The following SLC15A4 variants were observed in gnomAD, a reference collection of about 807,000 sequenced individuals.
SLC15A4 encodes hPHT1.
In SLC15A4, 26 loss-of-function variants were observed where a neutral mutation model predicts 46.1. That is an observed-to-expected ratio of 0.56 (90% CI 0.41 to 0.78). The LOEUF is 0.78. Among genes scored for constraint, SLC15A4 ranks in the 30% least tolerant of loss-of-function variants. The pLI is 0.00. For synonymous variants in SLC15A4, 370 were observed against 333.4 expected (o/e 1.11, Z -1.20); for missense variants, 751 against 755.7 (o/e 0.99, Z 0.07).
chr12:128,814,759 A>T lies in SLC15A4; in HGVS notation c.842+16T>A. 3 of 1,608,876 alleles carry T rather than the reference A, an allele frequency of 1.9e-6. No individual in the cohort carries two copies. Among genetic ancestry groups the T allele is most frequent in the Non-Finnish European group, 2.6e-6 (3 of 1,175,684 alleles). On this transcript the variant is annotated intron_variant, in intron 2 of 7. Transcript: ENST00000266771. ...AAGTCCTTTCAAACAGCCCAAGATG[A>T]GAACTAAGTGCTTACCCATTACTCT...
rs768736819 is a variant in SLC15A4, at chr12:128,794,294, T to C, written c.1636A>G (p.Thr546Ala). ...FFLLAAIQGA[T>A]LLLFLIISVK... ...GAAATAATGAGGAAAAGCAGGAGGGTAGCTCCTTGAATAGCAGCCAGAAGA... is the reference window on the plus strand; with the variant it reads ...GAAATAATGAGGAAAAGCAGGAGGGCAGCTCCTTGAATAGCAGCCAGAAGA... Residue 546 changes from threonine to alanine, a missense_variant, in exon 8 of 8, where the codon ACC becomes GCC. Physicochemically the swap from Thr to Ala is moderately conservative, Grantham distance 58. Coordinates refer to ENST00000266771, the MANE Select transcript of SLC15A4 (RefSeq NM_145648.4). The C allele has an allele frequency of 1.2e-6, 2 of 1,613,568 alleles. No homozygotes were observed. Among genetic ancestry groups the C allele is most frequent in the Admixed American group, 1.7e-5 (1 of 59,994 alleles).
intron 5 of SLC15A4, among the ~76,000 whole-genome samples, chr12:128,803,615 A>G (rs144617900): frequency 1.6e-3 from 242 of 152,290 alleles, no homozygotes; most frequent in African/African-American, 5.6e-3. Context: ...ACACAACACA[A>G]ATCATGAACT....
chr12:128,823,571 C>G lies in SLC15A4; in HGVS notation c.373G>C (p.Ala125Pro). 2 of 1,440,542 alleles carry G rather than the reference C, an allele frequency of 1.4e-6. No individual in the cohort carries two copies. Among genetic ancestry groups the G allele is most frequent in the South Asian group, 1.4e-5 (1 of 72,014 alleles). The allele number at this position is 1,440,542 out of a possible 1,614,324, so 89.2% of individuals were successfully genotyped here. A position where few individuals can be genotyped will look rare whatever the true frequency, so the allele number is the denominator to read the frequency against. ...CAGAGCGCGGCTCGCGTGGCGGGCG[C>G]GGCCAGCAGCGGGAAGGCCAGCATG... ...LGMLAFPLLA[A>P]PATRAALCGS... The change falls in exon 1 of 8, where the codon GCG becomes CCG. Residue 125 changes from alanine to proline, a missense_variant. Ala to Pro is a conservative substitution (Grantham distance 27). Transcript: ENST00000266771.
At chr12:128,806,516 A>C (rs557731159) in intron 5 of SLC15A4, among the ~76,000 whole-genome samples, 1 of 152,324 alleles carries the variant, frequency 6.6e-6, no homozygotes, top group African/African-American at 2.4e-5. Flanking sequence ...CTCTACTCAA[A>C]GACCATTAAT....
chr12:128,806,526 T>C (rs1170622864), intron 5 of SLC15A4, among the ~76,000 whole-genome samples: 1 of 152,222 alleles, frequency 6.6e-6, no homozygotes, highest in Admixed American at 6.5e-5. Context: ...AGACCATTAA[T>C]GTCTCTAAAT....
chr12:128,796,307 C>A (rs11059914), intron 7 of SLC15A4, among the ~76,000 whole-genome samples: 1 of 151,932 alleles, frequency 6.6e-6, no homozygotes, highest in African/African-American at 2.4e-5. Context: ...CGCCTGTAAT[C>A]TCAGCTGCTT....
At chr12:128,794,609 G>A (rs1190389327) in intron 7 of SLC15A4, among the ~76,000 whole-genome samples, 1 of 152,206 alleles carries the variant, frequency 6.6e-6, no homozygotes, top group Non-Finnish European at 1.5e-5. Flanking sequence ...GCCCCTAGCA[G>A]CCCATCCCTC....
chr12:128,808,992 G>C, intron 4 of SLC15A4, 36 bp from the exon 5 acceptor site: 1 of 1,587,724 alleles, frequency 6.3e-7, no homozygotes, highest in Non-Finnish European at 8.6e-7. Context: ...TTTACTCCCC[G>C]CAATACAGGC....
chr12:128,806,654 C>A (rs1313886042), intron 5 of SLC15A4, among the ~76,000 whole-genome samples: 1 of 152,140 alleles, frequency 6.6e-6, no homozygotes, highest in African/African-American at 2.4e-5. Flanking sequence ...CAACTACTGG[C>A]GGGTAAAGCT....
At chr12:128,815,455 G>A (rs1464326356) in intron 1 of SLC15A4, 1 of 196,906 alleles carries the variant, frequency 5.1e-6, no homozygotes, top group African/African-American at 2.3e-5. Flanking sequence ...GGAGGCTGAG[G>A]CGTGTGGATC....
intron 2 of SLC15A4, 82 bp from the exon 3 acceptor site, chr12:128,810,193 A>G (rs1955639294): frequency 2.1e-6 from 3 of 1,400,332 alleles, no homozygotes; most frequent in Middle Eastern, 1.8e-4. Context: ...TTTGGAGGTA[A>G]GAAACCAGCT....
chr12:128,823,334 G>A (rs1280000359), intron 1 of SLC15A4, 64 bp downstream of exon 1: 11 of 1,315,822 alleles, frequency 8.4e-6, no homozygotes, highest in Non-Finnish European at 1.1e-5. Context: ...TGGGGCAGGG[G>A]AAGAGGCTGG....
chr12:128,794,765 C>A (rs563191887), intron 7 of SLC15A4, among the ~76,000 whole-genome samples: 4 of 152,280 alleles, frequency 2.6e-5, no homozygotes, highest in East Asian at 3.9e-4. Flanking sequence ...TAAGGCCGCA[C>A]GACAAGGCTG....
chr12:128,806,336 G>A (rs567308192), intron 5 of SLC15A4, among the ~76,000 whole-genome samples: 23 of 151,858 alleles, frequency 1.5e-4, no homozygotes, highest in African/African-American at 2.2e-4. Context: ...CACTAATAAC[G>A]TGTTAAAACA....
At chr12:128,821,367 C>T (rs1324339250) in intron 1 of SLC15A4, among the ~76,000 whole-genome samples, 1 of 152,226 alleles carries the variant, frequency 6.6e-6, no homozygotes, top group Non-Finnish European at 1.5e-5. Context: ...CATCCGCACA[C>T]TTCTGTGAAG....
intron 2 of SLC15A4, 124 bp from the exon 3 acceptor site, chr12:128,810,235 T>C (rs1184296617): frequency 4.6e-6 from 4 of 862,442 alleles, no homozygotes; most frequent in African/African-American, 1.7e-5. Flanking sequence ...ACTCATTCCA[T>C]CACTTACTAA....
intron 7 of SLC15A4, among the ~76,000 whole-genome samples, chr12:128,797,651 G>A (rs1005686929): frequency 1.3e-5 from 2 of 152,222 alleles, no homozygotes; most frequent in Admixed American, 1.3e-4. Flanking sequence ...TGTCGGTCAC[G>A]AGATGGTGAG....
chr12:128,822,964 T>C (rs1035383142), intron 1 of SLC15A4, among the ~76,000 whole-genome samples: 1 of 152,124 alleles, frequency 6.6e-6, no homozygotes, highest in Non-Finnish European at 1.5e-5. Flanking sequence ...AATCCTCCTT[T>C]CTCTGCTAGG....
At chr12:128,795,950 G>A (rs948333955) in intron 7 of SLC15A4, among the ~76,000 whole-genome samples, 1 of 152,182 alleles carries the variant, frequency 6.6e-6, no homozygotes, top group African/African-American at 2.4e-5. Context: ...CGAGTGCTCT[G>A]GAATCAAGTT....
Sources: allele counts gnomAD v4.1 joint callset (sites outside exome capture counted in the v4.1 genomes callset), GRCh38; gene constraint gnomAD v4.1.1; transcripts MANE v1.5; gene names NCBI Gene and HGNC (gene_info 2026-07-23, HGNC 2026-07-21).